Variants in NOTCH4 observed in about 807,000 individuals in gnomAD.
The protein encoded by NOTCH4 is neurogenic locus notch homolog protein 4.
Under a neutral mutation model 189.0 loss-of-function variants are expected in NOTCH4, and 138 were observed. The ratio of observed to expected loss-of-function variants is 0.73; its 90% CI spans 0.64 to 0.84. The LOEUF (loss-of-function observed/expected upper bound fraction) is 0.84, where lower values mean the gene tolerates loss of function less well. Among genes scored for constraint, NOTCH4 ranks in the 40% least tolerant of loss-of-function variants. NOTCH4 has a pLI of 0.00. For synonymous variants in NOTCH4, 942 were observed against 1,032.8 expected (o/e 0.91, Z 1.69); for missense variants, 2,286 against 2,605.4 (o/e 0.88, Z 2.67).
Position 32,222,680 on chromosome 6 carries a change from G to A in NOTCH4, c.282C>T (p.Pro94=), listed in dbSNP as rs2127490963. Residue 94 remains proline (P), a synonymous_variant, in exon 3 of 30, where the codon CCC becomes CCT. Coordinates refer to ENST00000375023, the MANE Select transcript of NOTCH4 (RefSeq NM_004557.4). The part of the protein sequence containing the change: ...LPAPLGLPSS[P]SPLTPSFLCT... ...ACAAGAAGCTGGGTGTCAATGGAGA[G>A]GGAGAGCTGGGGAGCCCTAGGGGAG... 1.2e-6 allele frequency: 2 copies of A among 1,603,902 alleles called. No individual in the cohort carries two copies. Among genetic ancestry groups the A allele is most frequent in the Non-Finnish European group, 1.7e-6 (2 of 1,177,240 alleles).
At chr6:32,215,106 C>T (rs1789314810) in intron 12 of NOTCH4, 120 bp downstream of exon 12, 2 of 957,778 alleles carry the variant, frequency 2.1e-6, no homozygotes, top group African/African-American at 1.7e-5. Context: ...ACTTTGCCAT[C>T]TCCTTCCTTT....
At chr6:32,222,361 A>G in intron 3 of NOTCH4, 150 bp downstream of exon 3, 2 of 618,134 alleles carry the variant, frequency 3.2e-6, no homozygotes. Context: ...GTTGTGGGTA[A>G]GTGGATTGCC....
intron 18 of NOTCH4, among the ~76,000 whole-genome samples, chr6:32,207,496 C>T (rs750391185): frequency 6.0e-5 from 9 of 151,190 alleles, no homozygotes; most frequent in Admixed American, 1.3e-4. Context: ...TAGTGGTGTG[C>T]ACCTGTAGTT....
chr6:32,223,770 C>T, intron 1 of NOTCH4, 86 bp downstream of exon 1: 5 of 1,352,612 alleles, frequency 3.7e-6, no homozygotes, highest in Middle Eastern at 1.9e-4. Context: ...CCTCACACGG[C>T]CTGGGGCTTG....
In NOTCH4 at chr6:32,217,172, G is replaced by A; in HGVS notation, c.1719C>T (p.Phe573=). ...GGQCQDQPGA[F]HCKCLPGFEG... ...GTTTACCTGGGAGACACTTGCAGTGGAAGGCTCCAGGCTGGTCCTGGCACT... is the reference window on the plus strand; with the variant it reads ...GTTTACCTGGGAGACACTTGCAGTGAAAGGCTCCAGGCTGGTCCTGGCACT... The change falls in exon 10 of 30, where the codon TTC becomes TTT. Residue 573 remains phenylalanine, a synonymous_variant. Transcript: ENST00000375023. The surrounding 1 kb of genome is among the most constrained non-coding windows in gnomAD (Gnocchi z 4.2). The A allele has an allele frequency of 6.2e-7, 1 of 1,612,988 alleles. No homozygotes were observed. The highest frequency in any genetic ancestry group is 8.5e-7 in the Non-Finnish European group (1 of 1,179,930).
intron 8 of NOTCH4, 39 bp downstream of exon 8, chr6:32,219,553 T>A (rs1421179619): frequency 6.3e-7 from 1 of 1,585,534 alleles, no homozygotes; most frequent in Non-Finnish European, 8.6e-7. Flanking sequence ...CAGGACTAGT[T>A]CCCTGTTTTC....
intron 18 of NOTCH4, among the ~76,000 whole-genome samples, chr6:32,205,490 G>A (rs1407474887): frequency 7.4e-6 from 1 of 134,304 alleles, no homozygotes; most frequent in Non-Finnish European, 1.5e-5. Flanking sequence ...GGAGGTTGCA[G>A]TGAACCGAGA....
At chr6:32,216,668 C>A (rs1285926775) in intron 11 of NOTCH4, 4 of 565,884 alleles carry the variant, frequency 7.1e-6, no homozygotes, top group Non-Finnish European at 1.3e-5. Context: ...TAAGTGCTTG[C>A]TAAATAAGCA....
chr6:32,202,447 T>G lies in NOTCH4; in HGVS notation c.3384A>C (p.Pro1128=). Reference sequence around the variant, plus strand: ...GAGGGCCACAGCCTTTAGGAGCTGGTGGGGTCAGGCAGTCAGGACCCCCAT... The same window carrying G: ...GAGGGCCACAGCCTTTAGGAGCTGGGGGGGTCAGGCAGTCAGGACCCCCAT... The part of the protein sequence containing the change: ...SGYGGPDCLT[P]PAPKGCGPPS... Residue 1128 remains proline (P), a synonymous_variant, in exon 21 of 30, where the codon CCA becomes CCC. Transcript: ENST00000375023. The surrounding 1 kb of genome is among the most constrained non-coding windows in gnomAD (Gnocchi z 5.7). 1 of 1,612,142 alleles carries G rather than the reference T, an allele frequency of 6.2e-7. No homozygotes were observed. Among genetic ancestry groups the G allele is most frequent in the Non-Finnish European group, 8.5e-7 (1 of 1,179,680 alleles).
chr6:32,207,889 A>T (rs1174077473), intron 18 of NOTCH4, among the ~76,000 whole-genome samples: 1 of 151,630 alleles, frequency 6.6e-6, no homozygotes, highest in African/African-American at 2.4e-5. Context: ...TGTAAATTCC[A>T]GCTATTTGGG....
Position 32,210,727 on chromosome 6 carries a change from C to T in NOTCH4, c.2865+25G>A, listed in dbSNP as rs1417823789. 11 of 1,609,392 alleles carry T rather than the reference C, an allele frequency of 6.8e-6. No individual in the cohort carries two copies. The highest frequency in any genetic ancestry group is 9.3e-6 in the Non-Finnish European group (11 of 1,178,246). On this transcript the variant is annotated intron_variant, in intron 18 of 29. Coordinates refer to ENST00000375023, the MANE Select transcript of NOTCH4 (RefSeq NM_004557.4). This position sits in a 1 kb window ranked among gnomAD's most constrained non-coding sequence, Gnocchi z 4.8. Reference sequence around the variant, plus strand: ...ATCCAGCCCACCCTTGTCTTTCCTCCCCCTTCTCCTGCAGACCCTCTCACC... The same window carrying T: ...ATCCAGCCCACCCTTGTCTTTCCTCTCCCTTCTCCTGCAGACCCTCTCACC...
chr6:32,216,838 C>T (rs766003092), intron 11 of NOTCH4, 107 bp downstream of exon 11: 5 of 1,276,996 alleles, frequency 3.9e-6, no homozygotes, highest in African/African-American at 1.5e-5. Flanking sequence ...ATACCATTCT[C>T]ATTCTATTCT....
chr6:32,209,768 A>G (rs1788899130), intron 18 of NOTCH4, among the ~76,000 whole-genome samples: 1 of 151,966 alleles, frequency 6.6e-6, no homozygotes, highest in African/African-American at 2.4e-5. Context: ...CTGTAATCCC[A>G]GCTACTCGGG....
chr6:32,218,154 C>A, intron 8 of NOTCH4, 46 bp from the exon 9 acceptor site: 1 of 1,243,842 alleles, frequency 8.0e-7, no homozygotes, highest in Non-Finnish European at 1.2e-6. Context: ...CCAGGTCTGC[C>A]TGGGAGACCT....
rs759905427 is a variant in NOTCH4 at position 32,221,211 on chromosome 6, T to C, written c.566A>G (p.His189Arg). The C allele has an allele frequency of 2.6e-4, 412 of 1,612,970 alleles. No homozygotes were observed. The highest frequency in any genetic ancestry group is 3.4e-4 in the Non-Finnish European group (403 of 1,180,028). ...CTCGTTGACATCACGTTCACAGGCATGGCCCTCGAAGCCCGGTGGGCAGTG... is the reference window on the plus strand; with the variant it reads ...CTCGTTGACATCACGTTCACAGGCACGGCCCTCGAAGCCCGGTGGGCAGTG... The part of the protein sequence containing the change: ...QCHCPPGFEG[H>R]ACERDVNECF... The change falls in exon 4 of 30, where the codon CAT becomes CGT. Residue 189 changes from histidine (H) to arginine (R), a missense_variant. Physicochemically the swap from His to Arg is conservative, Grantham distance 29. Coordinates refer to ENST00000375023, the MANE Select transcript of NOTCH4 (RefSeq NM_004557.4). This position sits in a 1 kb window ranked among gnomAD's most constrained non-coding sequence, Gnocchi z 4.3.
At chr6:32,205,750 G>A (rs187468919) in intron 18 of NOTCH4, among the ~76,000 whole-genome samples, 15 of 152,038 alleles carry the variant, frequency 9.9e-5, no homozygotes, top group Admixed American at 4.6e-4. Flanking sequence ...GGTTCTGGCC[G>A]GGCACGGTGG....
intron 11 of NOTCH4, chr6:32,216,337 A>G (rs1176781721): frequency 1.9e-5 from 3 of 156,490 alleles, no homozygotes; most frequent in African/African-American, 7.2e-5. Flanking sequence ...CATGTTGGCC[A>G]GGCTGATCTC....
rs1582768189 is a variant in NOTCH4, at chr6:32,197,216, T to C, written c.5052+83A>G. Reference sequence around the variant, plus strand: ...GTTCCCAATCACACCAATTTCCTCCTTGTCAAACTCTAGGGGATGCTTCTG... The same window carrying C: ...GTTCCCAATCACACCAATTTCCTCCCTGTCAAACTCTAGGGGATGCTTCTG... On this transcript the variant is annotated intron_variant, in intron 27 of 29. Coordinates refer to ENST00000375023, the MANE Select transcript of NOTCH4 (RefSeq NM_004557.4). 4.0e-6 allele frequency: 6 copies of C among 1,516,364 alleles called. No homozygotes were observed. In the Admixed American group the frequency reaches 9.6e-5, roughly 24 times the overall value. 93.9% of individuals were successfully genotyped at this position (1,516,364 alleles called of 1,614,324 possible).
At chr6:32,216,605 T>G in intron 11 of NOTCH4, 1 of 431,942 alleles carries the variant, frequency 2.3e-6, no homozygotes. Context: ...CACATGAAGA[T>G]GGCAACTGTC....
Sources: allele counts gnomAD v4.1 joint callset (sites outside exome capture counted in the v4.1 genomes callset), GRCh38; gene constraint gnomAD v4.1.1; non-coding constraint Gnocchi (gnomAD v3.1); transcripts MANE v1.5; gene names NCBI Gene and HGNC (gene_info 2026-07-23, HGNC 2026-07-21).